The following ADGB variants were observed in gnomAD, a reference collection of about 807,000 sequenced individuals.
ADGB encodes androglobin.
ADGB carries 172 observed loss-of-function variants against 210.5 expected under a neutral mutation model. The ratio of observed to expected loss-of-function variants is 0.82; its 90% CI spans 0.72 to 0.93. The LOEUF (loss-of-function observed/expected upper bound fraction) is 0.93. Ranked by LOEUF, ADGB falls within the 40% of genes least tolerant of loss-of-function variation. The probability of loss-of-function intolerance (pLI) is 0.00; values close to 1 mark genes in which losing one functional copy is unlikely to be tolerated. For missense variants in ADGB, 2,025 were observed against 1,964.8 expected (o/e 1.03, Z -0.58); for synonymous variants, 658 against 662.7 (o/e 0.99, Z 0.11).
intron 10 of ADGB, among the ~76,000 whole-genome samples, chr6:146,689,888 A>G (rs1280051958): frequency 6.6e-6 from 1 of 152,162 alleles, no homozygotes; most frequent in Non-Finnish European, 1.5e-5. Context: ...AAGGCACTCT[A>G]AGACATAATT....
intron 23 of ADGB, among the ~76,000 whole-genome samples, chr6:146,738,097 T>G (rs562766760): frequency 6.6e-6 from 1 of 152,354 alleles, no homozygotes; most frequent in Non-Finnish European, 1.5e-5. Flanking sequence ...ATTATTGTTA[T>G]CTAAGATAAG....
intron 32 of ADGB, among the ~76,000 whole-genome samples, chr6:146,787,280 C>T (rs1474940656): frequency 6.6e-6 from 1 of 152,140 alleles, no homozygotes; most frequent in East Asian, 1.9e-4. Flanking sequence ...AGATTGGAAA[C>T]ACCACATACT....
chr6:146,797,802 C>T (rs538182260), intron 33 of ADGB, among the ~76,000 whole-genome samples: 114 of 152,118 alleles, frequency 7.5e-4, no homozygotes, highest in African/African-American at 2.7e-3. Flanking sequence ...GACTACACAT[C>T]GGGTACAATG....
At position 146,721,459 on chromosome 6, in the gene ADGB, A is replaced by C; in HGVS notation, c.2049A>C (p.Glu683Asp). Residue 683 changes from glutamate to aspartate, a missense_variant, in exon 17 of 36, where the codon GAA (glutamate) becomes GAC (aspartate). By Grantham distance (45) the Glu-to-Asp change is conservative. Transcript: ENST00000397944. ...YLFVDSLKPIELLVCFSALVR... is the reference protein window; with the variant it reads ...YLFVDSLKPIDLLVCFSALVR... ...TTGTAGATAGTCTAAAACCTATTGA[A>C]CTACTGGTTTGCTTTTCTGCATTGG... 1 of 1,551,368 alleles carries C rather than the reference A, an allele frequency of 6.4e-7. No individual in the cohort carries two copies. The highest frequency in any genetic ancestry group is 2.4e-5 in the East Asian group (1 of 40,918).
At chr6:146,713,788 C>A (rs1776692591) in intron 13 of ADGB, among the ~76,000 whole-genome samples, 1 of 151,626 alleles carries the variant, frequency 6.6e-6, no homozygotes, top group Non-Finnish European at 1.5e-5. Flanking sequence ...ACTTTTGTTG[C>A]CTGTGCTTTT....
intron 27 of ADGB, among the ~76,000 whole-genome samples, chr6:146,757,455 T>C (rs2114617602): frequency 6.6e-6 from 1 of 152,026 alleles, no homozygotes; most frequent in Middle Eastern, 3.4e-3. Context: ...TCTTTGAACA[T>C]ACTCTATCTC....
At chr6:146,770,495 A>C (rs1777634255) in intron 29 of ADGB, 1 of 422,124 alleles carries the variant, frequency 2.4e-6, no homozygotes, top group Admixed American at 2.5e-5. Context: ...TTCCTCTCTC[A>C]TTGGGCAGGG....
At chr6:146,620,880 C>T (rs1050904710) in intron 1 of ADGB, among the ~76,000 whole-genome samples, 6 of 152,010 alleles carry the variant, frequency 3.9e-5, no homozygotes, top group Admixed American at 3.3e-4. Flanking sequence ...ATGTTGATTC[C>T]TGAGCATTTG....
At chr6:146,697,042 G>A (rs1375677100) in intron 12 of ADGB, among the ~76,000 whole-genome samples, 1 of 152,086 alleles carries the variant, frequency 6.6e-6, no homozygotes, top group African/African-American at 2.4e-5. Context: ...GGAAAACTGG[G>A]TGTGTCACTC....
intron 28 of ADGB, among the ~76,000 whole-genome samples, chr6:146,765,933 A>G (rs1777566960): frequency 6.6e-6 from 1 of 152,106 alleles, no homozygotes; most frequent in Non-Finnish European, 1.5e-5. Flanking sequence ...AATAAAACCC[A>G]GGGTACTTTT....
chr6:146,622,559 G>A (rs1347266554), intron 1 of ADGB, among the ~76,000 whole-genome samples: 2 of 152,054 alleles, frequency 1.3e-5, no homozygotes, highest in East Asian at 1.9e-4. Flanking sequence ...CAACTCACAT[G>A]TACTCTTATG....
intron 8 of ADGB, among the ~76,000 whole-genome samples, chr6:146,674,989 C>T (rs995132302): frequency 6.6e-6 from 1 of 151,836 alleles, no homozygotes; most frequent in African/African-American, 2.4e-5. Context: ...ATATTGCTTC[C>T]TAAAATTAGT....
In ADGB at chr6:146,739,605, C is replaced by A. The variant is rs148732261; in HGVS notation, c.2889-854C>A. On this transcript the variant is annotated intron_variant, in intron 23 of 35. Transcript: ENST00000397944. ...ATGTGACTTTTGTCTTCCATGAGGACCACCATGGCTTTGCTTTCCACTGAC... is the reference window on the plus strand; with the variant it reads ...ATGTGACTTTTGTCTTCCATGAGGAACACCATGGCTTTGCTTTCCACTGAC... 3.0e-3 allele frequency among the ~76,000 whole-genome samples: 451 copies of A among 152,234 alleles called. 5 individuals carry two copies. The highest frequency in any genetic ancestry group is 0.01 in the African/African-American group (433 of 41,540).
intron 1 of ADGB, among the ~76,000 whole-genome samples, chr6:146,622,310 G>A (rs1489934798): frequency 1.3e-5 from 2 of 152,124 alleles, no homozygotes; most frequent in East Asian, 3.9e-4. Flanking sequence ...GCTTTACAAA[G>A]CTGTATATCA....
At chr6:146,636,150 A>T (rs1330960604) in intron 2 of ADGB, among the ~76,000 whole-genome samples, 1 of 152,104 alleles carries the variant, frequency 6.6e-6, no homozygotes, top group African/African-American at 2.4e-5. Flanking sequence ...AAAGACTTCA[A>T]AGTTGAGGCT....
chr6:146,781,714 G>C (rs1182827552), intron 29 of ADGB, among the ~76,000 whole-genome samples: 1 of 152,084 alleles, frequency 6.6e-6, no homozygotes, highest in African/African-American at 2.4e-5. Context: ...ACACAATTAT[G>C]CAATAAATGA....
At chr6:146,651,253 C>A (rs1022826146) in intron 3 of ADGB, among the ~76,000 whole-genome samples, 26 of 152,202 alleles carry the variant, frequency 1.7e-4, no homozygotes, top group Admixed American at 1.5e-3. Context: ...TAATCCCTGG[C>A]ACACTGCTGC....
intron 1 of ADGB, among the ~76,000 whole-genome samples, chr6:146,608,060 C>T (rs557657736): frequency 4.5e-4 from 68 of 152,178 alleles, no homozygotes; most frequent in Non-Finnish European, 2.9e-5. Flanking sequence ...TTTTTTATTA[C>T]TGATTCAATT....
rs1583653869 is a variant in ADGB at position 146,815,277 on chromosome 6, T to C, written c.*60T>C. 4.6e-6 allele frequency: 6 copies of C among 1,295,064 alleles called. No homozygotes were observed. The highest frequency in any genetic ancestry group is 1.6e-5 in the African/African-American group (1 of 64,018). The allele number at this position is 1,295,064 out of a possible 1,614,324, so 80.2% of individuals were successfully genotyped here. A position where few individuals can be genotyped will look rare whatever the true frequency, so the allele number is the denominator to read the frequency against. ...AGAAAAAATCTATTTGTAATGATCTTTAACTGCCTGCTGTTAAGATATTAG... is the reference window on the plus strand; with the variant it reads ...AGAAAAAATCTATTTGTAATGATCTCTAACTGCCTGCTGTTAAGATATTAG... On this transcript the variant is annotated 3_prime_UTR_variant, in exon 36 of 36. Coordinates refer to ENST00000397944, the MANE Select transcript of ADGB (RefSeq NM_024694.4).
Sources: allele counts gnomAD v4.1 joint callset (sites outside exome capture counted in the v4.1 genomes callset), GRCh38; gene constraint gnomAD v4.1.1; transcripts MANE v1.5; gene names NCBI Gene and HGNC (gene_info 2026-07-23, HGNC 2026-07-21).